CSMD3: variants seen among roughly 807,000 people sequenced by gnomAD.
CSMD3 encodes CUB and Sushi multiple domains 3.
In CSMD3, 177 loss-of-function variants were observed where a neutral mutation model predicts 435.2. That is an observed-to-expected ratio of 0.41 (90% CI 0.36 to 0.46). CSMD3 has a LOEUF of 0.46. Ranked by LOEUF, CSMD3 falls within the 20% of genes least tolerant of loss-of-function variation. CSMD3 has a pLI of 0.34. For missense variants in CSMD3, 4,265 were observed against 4,504.6 expected (o/e 0.95, Z 1.52); for synonymous variants, 1,656 against 1,520.5 (o/e 1.09, Z -2.07).
intron 38 of CSMD3, among the ~76,000 whole-genome samples, chr8:112,354,888 G>A (rs906065485): frequency 9.2e-5 from 14 of 152,040 alleles, no homozygotes; most frequent in African/African-American, 3.1e-4. Context: ...AGCCCAAATA[G>A]CCAAAGTAAT....
chr8:112,887,960 G>T (rs909835633), intron 10 of CSMD3, among the ~76,000 whole-genome samples: 6 of 151,568 alleles, frequency 4.0e-5, no homozygotes, highest in Non-Finnish European at 8.9e-5. Context: ...ATTACTTCCT[G>T]CAATAAACCA....
At chr8:112,398,824 AACTAATGCTCTC>A (rs1203499396) in intron 35 of CSMD3, among the ~76,000 whole-genome samples, 1 of 152,104 alleles carries the variant, frequency 6.6e-6, no homozygotes. Context: ...TTAGATGGCT[AACTAATGCTCTC>A]ATTGTATTGA....
chr8:113,036,513 T>C (rs2087358142), intron 5 of CSMD3, among the ~76,000 whole-genome samples: 2 of 151,934 alleles, frequency 1.3e-5, no homozygotes, highest in African/African-American at 2.4e-5. Context: ...AAATACCACA[T>C]ATAATTACCT....
chr8:113,424,717 C>T (rs1419360945), intron 1 of CSMD3, among the ~76,000 whole-genome samples: 4 of 151,478 alleles, frequency 2.6e-5, no homozygotes, highest in South Asian at 2.1e-4. Flanking sequence ...GTTGGCTGAA[C>T]AGATGGGAGT....
chr8:113,061,150 C>T (rs1447123546), intron 5 of CSMD3, among the ~76,000 whole-genome samples: 1 of 152,088 alleles, frequency 6.6e-6, no homozygotes, highest in Non-Finnish European at 1.5e-5. Context: ...TCTCTTTCCA[C>T]TCCTTCTCAG....
At chr8:113,372,540 G>A (rs2094352319) in intron 1 of CSMD3, among the ~76,000 whole-genome samples, 1 of 152,130 alleles carries the variant, frequency 6.6e-6, no homozygotes, top group Non-Finnish European at 1.5e-5. Flanking sequence ...AGTAGGGGGA[G>A]TCCTGATCTT....
At chr8:112,928,740 A>T (rs542834669) in intron 9 of CSMD3, among the ~76,000 whole-genome samples, 61 of 150,590 alleles carry the variant, frequency 4.1e-4, no homozygotes, top group Middle Eastern at 6.8e-3. Context: ...TAATGCCGCA[A>T]TAAACATACA....
At chr8:112,451,696 G>A (rs1015555444) in intron 32 of CSMD3, among the ~76,000 whole-genome samples, 1 of 151,936 alleles carries the variant, frequency 6.6e-6, no homozygotes, top group East Asian at 1.9e-4. Flanking sequence ...GTGCCACCAT[G>A]CCCGGCTAAT....
intron 4 of CSMD3, among the ~76,000 whole-genome samples, chr8:113,134,976 G>A (rs1303514404): frequency 6.6e-6 from 1 of 151,932 alleles, no homozygotes; most frequent in Admixed American, 6.6e-5. Context: ...CACTCCCTAA[G>A]AAGCTAATCA....
At chr8:112,497,000 A>T (rs1821417880) in intron 30 of CSMD3, among the ~76,000 whole-genome samples, 1 of 152,128 alleles carries the variant, frequency 6.6e-6, no homozygotes, top group South Asian at 2.1e-4. Context: ...ATATTATGGA[A>T]ACCCCGTTTA....
intron 23 of CSMD3, among the ~76,000 whole-genome samples, chr8:112,576,414 A>T (rs1046165993): frequency 1.3e-5 from 2 of 152,068 alleles, no homozygotes; most frequent in Non-Finnish European, 2.9e-5. Flanking sequence ...AACTAAAATT[A>T]AAAAAATAAC....
At chr8:112,855,706 T>C (rs890820777) in intron 11 of CSMD3, among the ~76,000 whole-genome samples, 15 of 151,686 alleles carry the variant, frequency 9.9e-5, no homozygotes, top group Admixed American at 8.6e-4. Context: ...CATAGAGAAA[T>C]AGATGATAGA....
At chr8:112,374,676 A>G (rs2131201448) in intron 38 of CSMD3, among the ~76,000 whole-genome samples, 1 of 152,276 alleles carries the variant, frequency 6.6e-6, no homozygotes, top group Non-Finnish European at 1.5e-5. Flanking sequence ...TGTTCCATTT[A>G]AAAGGAAGCA....
intron 1 of CSMD3, among the ~76,000 whole-genome samples, chr8:113,362,691 CTGTT>C (rs1010799010): frequency 8.5e-5 from 13 of 152,048 alleles, no homozygotes; most frequent in Admixed American, 3.3e-4. Flanking sequence ...GAGATTTTGT[CTGTT>C]TGTTTCAGTG....
intron 28 of CSMD3, among the ~76,000 whole-genome samples, chr8:112,516,479 T>C (rs1468924501): frequency 6.6e-6 from 1 of 152,180 alleles, no homozygotes; most frequent in African/African-American, 2.4e-5. Flanking sequence ...TTTAATTTTC[T>C]AGAGTCTAAC....
intron 13 of CSMD3, among the ~76,000 whole-genome samples, chr8:112,733,984 AG>A (rs1259095411): frequency 1.3e-5 from 2 of 151,844 alleles, no homozygotes; most frequent in Non-Finnish European, 2.9e-5. Flanking sequence ...TTATCCTCCA[AG>A]GGTTTTCTTT....
Position 112,409,536 on chromosome 8 carries a change from T to A in CSMD3, c.5396-504A>T, listed in dbSNP as rs147263040. Reference sequence around the variant, plus strand: ...TAGAAAAAGATTAGCGAGATTCTTTTCAGATATAGTGTTTAATTTATATTC... The same window carrying A: ...TAGAAAAAGATTAGCGAGATTCTTTACAGATATAGTGTTTAATTTATATTC... On this transcript the variant is annotated intron_variant, in intron 32 of 70. Transcript: ENST00000297405. Among the ~76,000 whole-genome samples the A allele has an allele frequency of 1.4e-4, 21 of 152,150 alleles. No individual in the cohort carries two copies. In the East Asian group the frequency reaches 3.7e-3, roughly 27 times the overall value.
In CSMD3 at chr8:112,633,298, C is replaced by T. The variant is rs140283046; in HGVS notation, c.3715+3519G>A. 2.1e-3 allele frequency among the ~76,000 whole-genome samples: 238 copies of T among 114,316 alleles called. 1 individual carries two copies. The highest frequency in any genetic ancestry group is 0.012 in the Middle Eastern group (3 of 258). 75.0% of individuals were successfully genotyped at this position (114,316 alleles called of 152,430 possible). A position where few individuals can be genotyped will look rare whatever the true frequency, so the allele number is the denominator to read the frequency against. The stretch of plus-strand genomic sequence containing the variant: ...ACTATAATGCAGGCCAGATTTCCTC[C>T]CAACTTTATCAAAGTCTCCAGTCAG... On this transcript the variant is annotated intron_variant, in intron 22 of 70. Transcript: ENST00000297405.
At chr8:112,237,372 C>G (rs369741657) in intron 66 of CSMD3, 24 bp from the exon 67 acceptor site, 109 of 1,531,792 alleles carry the variant, frequency 7.1e-5, no homozygotes, top group Non-Finnish European at 8.6e-5. Flanking sequence ...AAATATACCA[C>G]ACATTAATTT....
Sources: gnomAD v4.1 joint callset for allele counts (sites outside exome capture counted in the v4.1 genomes callset) on GRCh38, gnomAD v4.1.1 for gene constraint, MANE v1.5 for transcripts, NCBI Gene and HGNC (gene_info 2026-07-23, HGNC 2026-07-21) for gene names.